The following SNCAIP variants were observed in gnomAD, a reference collection of about 807,000 sequenced individuals.
The protein encoded by SNCAIP is synphilin-1.
SNCAIP carries 43 observed loss-of-function variants against 86.7 expected under a neutral mutation model. The observed-to-expected ratio is 0.50, with a 90% CI of 0.39 to 0.64. The LOEUF is 0.64. Ranked by LOEUF, SNCAIP falls within the 30% of genes least tolerant of loss-of-function variation. The pLI is 0.00. For synonymous variants in SNCAIP, 417 were observed against 427.2 expected, an observed-to-expected ratio of 0.98 and a Z score of 0.29; for missense variants, 981 against 1,103.1, an observed-to-expected ratio of 0.89 and a Z score of 1.57.
chr5:122,330,259 C>A (rs1755022219), intron 1 of SNCAIP, among the ~76,000 whole-genome samples: 2 of 150,436 alleles, frequency 1.3e-5, no homozygotes, highest in Non-Finnish European at 3.0e-5. Flanking sequence ...GTAGCTGGGA[C>A]TACAGGCGCC....
At chr5:122,429,022 G>A (rs1326374642) in intron 5 of SNCAIP, among the ~76,000 whole-genome samples, 9 of 151,942 alleles carry the variant, frequency 5.9e-5, no homozygotes, top group African/African-American at 2.2e-4. Flanking sequence ...AATAACAAAA[G>A]GAAATTTGGG....
At chr5:122,337,105 A>G (rs1756637934) in intron 1 of SNCAIP, among the ~76,000 whole-genome samples, 1 of 152,222 alleles carries the variant, frequency 6.6e-6, no homozygotes, top group Admixed American at 6.5e-5. Context: ...TCCTAATCCC[A>G]TGCTTGATTC....
intron 1 of SNCAIP, among the ~76,000 whole-genome samples, chr5:122,348,704 G>C (rs550146989): frequency 6.6e-6 from 1 of 152,160 alleles, no homozygotes; most frequent in East Asian, 1.9e-4. Flanking sequence ...AGCAGAATTG[G>C]ACCAATGAAC....
intron 1 of SNCAIP, among the ~76,000 whole-genome samples, chr5:122,354,790 C>T (rs1269234082): frequency 6.6e-6 from 1 of 152,208 alleles, no homozygotes; most frequent in South Asian, 2.1e-4. Flanking sequence ...CATTTTTATA[C>T]TTTTTATTCA....
intron 1 of SNCAIP, among the ~76,000 whole-genome samples, chr5:122,383,986 C>T (rs1361702498): frequency 1.3e-5 from 2 of 152,182 alleles, no homozygotes; most frequent in Admixed American, 6.5e-5. Flanking sequence ...AGTCTATACA[C>T]GTTTTGTTAA....
intron 1 of SNCAIP, among the ~76,000 whole-genome samples, chr5:122,336,456 C>G (rs1288468450): frequency 6.6e-6 from 1 of 152,208 alleles, no homozygotes; most frequent in Non-Finnish European, 1.5e-5. Flanking sequence ...CTTCATTGTT[C>G]TAGTCCCTGG....
chr5:122,361,503 A>G (rs1012650113), intron 1 of SNCAIP, among the ~76,000 whole-genome samples: 1 of 152,228 alleles, frequency 6.6e-6, no homozygotes, highest in East Asian at 1.9e-4. Flanking sequence ...ATGTTGATTT[A>G]ATGAATACAA....
At chr5:122,459,542 T>C (rs1785610779) in intron 10 of SNCAIP, among the ~76,000 whole-genome samples, 1 of 152,218 alleles carries the variant, frequency 6.6e-6, no homozygotes, top group South Asian at 2.1e-4. Context: ...ATTGAAGGGT[T>C]CAGGGAGGAT....
At chr5:122,428,764 C>G (rs979455498) in intron 5 of SNCAIP, among the ~76,000 whole-genome samples, 2 of 151,434 alleles carry the variant, frequency 1.3e-5, no homozygotes, top group African/African-American at 4.9e-5. Context: ...CCACAACAGG[C>G]CCCAGTGTGT....
chr5:122,330,573 A>G (rs1390969617), intron 1 of SNCAIP, among the ~76,000 whole-genome samples: 2 of 152,200 alleles, frequency 1.3e-5, no homozygotes, highest in East Asian at 3.8e-4. Flanking sequence ...AAATTTACTT[A>G]AAGGAACTTT....
chr5:122,393,894 T>C (rs1437327597), intron 2 of SNCAIP, among the ~76,000 whole-genome samples: 2 of 152,226 alleles, frequency 1.3e-5, no homozygotes, highest in East Asian at 3.9e-4. Flanking sequence ...GAAAAAGAAC[T>C]GGAGACAACC....
chr5:122,363,754 T>A (rs1762635809), intron 1 of SNCAIP, among the ~76,000 whole-genome samples: 1 of 151,834 alleles, frequency 6.6e-6, no homozygotes, highest in African/African-American at 2.4e-5. Context: ...ACACTACATT[T>A]AATGCATCTG....
intron 1 of SNCAIP, among the ~76,000 whole-genome samples, chr5:122,335,164 T>C (rs1756180092): frequency 6.6e-6 from 1 of 152,210 alleles, no homozygotes; most frequent in Non-Finnish European, 1.5e-5. Flanking sequence ...TCTGACATTT[T>C]AGCGTTTATC....
intron 1 of SNCAIP, among the ~76,000 whole-genome samples, chr5:122,324,690 A>C (rs1172838313): frequency 6.6e-6 from 1 of 152,236 alleles, no homozygotes; most frequent in African/African-American, 2.4e-5. Flanking sequence ...TCAAACAAGT[A>C]GGCAAAATGC....
chr5:122,444,755 GA>G, intron 8 of SNCAIP, 23 bp downstream of exon 8: 3 of 1,595,258 alleles, frequency 1.9e-6, no homozygotes, highest in Non-Finnish European at 2.6e-6. Flanking sequence ...TTGGTTCCAT[GA>G]GAACCAAGTC....
chr5:122,432,475 C>G (rs1778601535), intron 6 of SNCAIP, among the ~76,000 whole-genome samples: 1 of 152,074 alleles, frequency 6.6e-6, no homozygotes, highest in Non-Finnish European at 1.5e-5. Flanking sequence ...AGTTATCACT[C>G]AGAGTAGCAG....
In SNCAIP at chr5:122,444,631, C is replaced by T. The variant is rs1422331526; in HGVS notation, c.1491C>T (p.Ala497=). 17 of 1,613,964 alleles carry T rather than the reference C, an allele frequency of 1.1e-5. No individual in the cohort carries two copies. Among genetic ancestry groups the T allele is most frequent in the East Asian group, 2.2e-5 (1 of 44,878 alleles). ...NHAGEKPSQS[A]ERQGHTLCSR... ...CTGGGGAAAAGCCCTCCCAGAGCGC[C>T]GAGCGGCAGGGGCACACCCTGTGCT... The change falls in exon 8 of 11, where the codon GCC becomes GCT. Residue 497 remains alanine (A), a synonymous_variant. Coordinates refer to ENST00000261368, the MANE Select transcript of SNCAIP (RefSeq NM_005460.4).
chr5:122,448,648 ATTTT>A lies in SNCAIP; in HGVS notation c.1593-1195_1593-1192del, dbSNP rs1216223450. On this transcript the variant is annotated intron_variant, in intron 8 of 10. Transcript: ENST00000261368. ...ATAATATATATTATATGTTATATAT[ATTTT>A]TATATATATTATATATATTATATAT... Among the ~76,000 whole-genome samples the A allele has an allele frequency of 3.7e-3, 492 of 132,904 alleles. 7 individuals are homozygous for A. Among genetic ancestry groups the A allele is most frequent in the African/African-American group, 0.013 (464 of 35,796 alleles). 87.2% of individuals were successfully genotyped at this position (132,904 alleles called of 152,430 possible). A position where few individuals can be genotyped will look rare whatever the true frequency, so the allele number is the denominator to read the frequency against.
intron 1 of SNCAIP, among the ~76,000 whole-genome samples, chr5:122,349,935 C>G (rs887971150): frequency 6.6e-6 from 1 of 152,146 alleles, no homozygotes; most frequent in Non-Finnish European, 1.5e-5. Flanking sequence ...GCCCTTTGCT[C>G]CCCCATCAGC....
Sources: gnomAD v4.1 joint callset for allele counts (sites outside exome capture counted in the v4.1 genomes callset) on GRCh38, gnomAD v4.1.1 for gene constraint, MANE v1.5 for transcripts, NCBI Gene and HGNC (gene_info 2026-07-23, HGNC 2026-07-21) for gene names.